PLEKHH1: variants seen among roughly 807,000 people sequenced by gnomAD.
PLEKHH1 encodes the protein pleckstrin homology domain-containing family H member 1.
Under a neutral mutation model 160.0 loss-of-function variants are expected in PLEKHH1, and 104 were observed. The ratio of observed to expected loss-of-function variants is 0.65; its 90% confidence interval spans 0.55 to 0.76. PLEKHH1 has a LOEUF of 0.76. Ranked by LOEUF, PLEKHH1 falls within the 30% of genes least tolerant of loss-of-function variation. PLEKHH1 has a pLI of 0.00. For missense variants in PLEKHH1, 1,427 were observed against 1,724.1 expected, an observed-to-expected ratio of 0.83 and a Z score of 3.05; for synonymous variants, 619 against 678.4, an observed-to-expected ratio of 0.91 and a Z score of 1.36.
At chr14:67,561,044 C>CT (rs1216196842) in intron 5 of PLEKHH1, among the ~76,000 whole-genome samples, 6 of 152,288 alleles carry the variant, frequency 3.9e-5, no homozygotes, top group African/African-American at 1.2e-4. Context: ...AAACATACAT[C>CT]TTTTCCTCTG....
In PLEKHH1 at chr14:67,587,098, G is replaced by A. The variant is rs761791605; in HGVS notation, c.3958G>A (p.Ala1320Thr). The A allele has an allele frequency of 3.5e-5, 57 of 1,611,480 alleles. No homozygotes were observed. Among genetic ancestry groups the A allele is most frequent in the Non-Finnish European group, 4.4e-5 (52 of 1,178,752 alleles). The part of the protein sequence containing the change: ...PKIAEATFIM[A>T]SYMNHCTTTV... ...GATTGCAGAAGCTACCTTCATCATG[G>A]CCAGCTATATGAACCATTGCACTAC... The change falls in exon 29 of 29, where the codon GCC becomes ACC. Residue 1320 changes from alanine (A) to threonine (T), a missense_variant. By Grantham distance (58) the Ala-to-Thr change is moderately conservative (BLOSUM62 0). Coordinates refer to ENST00000329153, the MANE Select transcript of PLEKHH1 (RefSeq NM_020715.3).
At chr14:67,568,016 T>A (rs1367946207) in intron 7 of PLEKHH1, among the ~76,000 whole-genome samples, 4 of 152,198 alleles carry the variant, frequency 2.6e-5, no homozygotes, top group Non-Finnish European at 5.9e-5. Context: ...GGACGGGCAT[T>A]CTCCCAGTGT....
chr14:67,568,238 T>C (rs1305127271), intron 7 of PLEKHH1, among the ~76,000 whole-genome samples: 1 of 152,192 alleles, frequency 6.6e-6, no homozygotes, highest in Admixed American at 6.5e-5. Flanking sequence ...ATGTGGTACA[T>C]ATACACCATG....
chr14:67,566,635 C>G lies in PLEKHH1; in HGVS notation c.1264-2503C>G, dbSNP rs1050599880. ...TGGTGGCACATGCCGGTAGTCCCAG[C>G]TACTCAGGAGGCTTAAGTGGAAGTT... On this transcript the variant is annotated intron_variant, in intron 7 of 28. Transcript: ENST00000329153. Among the ~76,000 whole-genome samples the G allele has an allele frequency of 4.6e-5, 7 of 151,956 alleles. No homozygotes were observed. In the South Asian group the frequency reaches 6.2e-4, roughly 14 times the overall value.
chr14:67,557,927 G>A (rs2034660167), intron 4 of PLEKHH1, among the ~76,000 whole-genome samples: 1 of 152,184 alleles, frequency 6.6e-6, no homozygotes, highest in African/African-American at 2.4e-5. Context: ...AGAGCTGGAT[G>A]GTCAGTCGTG....
intron 28 of PLEKHH1, chr14:67,586,317 C>G: frequency 7.7e-7 from 1 of 1,294,324 alleles, no homozygotes; most frequent in Non-Finnish European, 1.1e-6. Flanking sequence ...GGAACTAACT[C>G]TGGCCTAGCT....
chr14:67,571,875 C>G lies in PLEKHH1; in HGVS notation c.1558C>G (p.Leu520Val). The G allele has an allele frequency of 6.2e-7, 1 of 1,612,730 alleles. No individual in the cohort carries two copies. The highest frequency in any genetic ancestry group is 1.7e-5 in the Admixed American group (1 of 59,836). Reference protein sequence around the residue: ...PSSESRKTSGLGSPRAIKRGV... With the variant: ...PSSESRKTSGVGSPRAIKRGV... ...CTCTGAGTCCAGGAAGACCAGCGGACTAGGCAGCCCCCGGGCCATCAAGAG... is the reference window on the plus strand; with the variant it reads ...CTCTGAGTCCAGGAAGACCAGCGGAGTAGGCAGCCCCCGGGCCATCAAGAG... The change falls in exon 10 of 29, where the codon CTA becomes GTA. Residue 520 changes from leucine to valine, a missense_variant. Physicochemically the swap from Leu to Val is conservative, Grantham distance 32. Transcript: ENST00000329153.
At chr14:67,567,526 C>T (rs951437349) in intron 7 of PLEKHH1, among the ~76,000 whole-genome samples, 14 of 151,842 alleles carry the variant, frequency 9.2e-5, no homozygotes, top group African/African-American at 1.7e-4. Flanking sequence ...TACTTGGGCT[C>T]GATGTATCTG....
At position 67,549,875 on chromosome 14, in the gene PLEKHH1, G is replaced by A. The variant is rs1594751351; in HGVS notation, c.127-5950G>A. Among the ~76,000 whole-genome samples the A allele has an allele frequency of 3.3e-5, 5 of 152,334 alleles. No homozygotes were observed. The South Asian group carries it at 1.0e-3, about 32-fold the overall frequency. On this transcript the variant is annotated intron_variant, in intron 2 of 28. Coordinates refer to ENST00000329153, the MANE Select transcript of PLEKHH1 (RefSeq NM_020715.3). ...TTGCTAAAGAAAAGCTCTGTGGGCA[G>A]AGCCCAAGAATCTGCATGATGACAA... is the stretch of plus-strand genomic sequence containing the variant.
chr14:67,546,993 C>T (rs2034207988), intron 2 of PLEKHH1, among the ~76,000 whole-genome samples: 1 of 152,170 alleles, frequency 6.6e-6, no homozygotes, highest in Admixed American at 6.5e-5. Flanking sequence ...CCTTAACCAC[C>T]TTATAAACAC....
intron 2 of PLEKHH1, among the ~76,000 whole-genome samples, chr14:67,544,509 G>GT (rs1432642894): frequency 2.6e-5 from 4 of 152,166 alleles, no homozygotes; most frequent in Non-Finnish European, 4.4e-5. Context: ...TCTACAATGA[G>GT]TGAGTATCCA....
rs1418955881 is a variant in PLEKHH1, at chr14:67,588,851, CCT to C, written c.*1622_*1623del. On this transcript the variant is annotated 3_prime_UTR_variant, in exon 29 of 29. Coordinates refer to ENST00000329153, the MANE Select transcript of PLEKHH1 (RefSeq NM_020715.3). ...AACACCTCAGCTGCTGTAAGCTTCT[CCT>C]CTCTCACCCCGTAAACTGACAAGCA... 6.6e-6 allele frequency: 1 copy of C among 152,630 alleles called. No homozygotes were observed. The highest frequency in any genetic ancestry group is 1.5e-5 in the Non-Finnish European group (1 of 68,046). 9.5% of individuals were successfully genotyped at this position (152,630 alleles called of 1,614,324 possible).
chr14:67,576,303 TG>T lies in PLEKHH1; in HGVS notation c.2353-89del. On this transcript the variant is annotated intron_variant, in intron 16 of 28. Coordinates refer to ENST00000329153, the MANE Select transcript of PLEKHH1 (RefSeq NM_020715.3). This position sits in a 1 kb window ranked among gnomAD's most constrained non-coding sequence, Gnocchi z 4.0. ...CCAACCAAACTAGCTGAACCCCACA[TG>T]GGCTTGGTCCCTTCAAGGAGTCCTC... is the stretch of plus-strand genomic sequence containing the variant. 1.4e-6 allele frequency: 1 copy of T among 694,774 alleles called. No individual in the cohort carries two copies. The highest frequency in any genetic ancestry group is 2.5e-6 in the Non-Finnish European group (1 of 407,380). 43.0% of individuals were successfully genotyped at this position (694,774 alleles called of 1,614,324 possible).
chr14:67,586,391 T>C (rs888187574), intron 28 of PLEKHH1: 18 of 1,363,844 alleles, frequency 1.3e-5, no homozygotes, highest in Admixed American at 2.2e-5. Flanking sequence ...CAGTCCTCAG[T>C]TGGGTGCTTA....
At chr14:67,564,985 C>T (rs978008904) in intron 7 of PLEKHH1, among the ~76,000 whole-genome samples, 1 of 152,148 alleles carries the variant, frequency 6.6e-6, no homozygotes, top group African/African-American at 2.4e-5. Context: ...GCCACTGTGT[C>T]TGGCCCTGTA....
chr14:67,540,574 C>T (rs2033924360), intron 1 of PLEKHH1, among the ~76,000 whole-genome samples: 1 of 148,790 alleles, frequency 6.7e-6, no homozygotes, highest in South Asian at 2.1e-4. Context: ...TGTAGTGAGC[C>T]AAAATTGCAC....
chr14:67,535,142 G>A (rs893891690), intron 1 of PLEKHH1, among the ~76,000 whole-genome samples: 3 of 152,172 alleles, frequency 2.0e-5, no homozygotes, highest in Admixed American at 6.5e-5. Flanking sequence ...GTGGGTGTGT[G>A]AATGCCACAT....
chr14:67,578,168 G>A lies in PLEKHH1; in HGVS notation c.2720G>A (p.Cys907Tyr), dbSNP rs2035715005. Reference sequence around the variant, plus strand: ...TGCCAACTCATGAAGCAGACCAGCTGCCGCCCACCTCAGAAGTACTCCCTC... The same window carrying A: ...TGCCAACTCATGAAGCAGACCAGCTACCGCCCACCTCAGAAGTACTCCCTC... ...IYCQLMKQTSCRPPQKYSLMQ... is the reference protein window; with the variant it reads ...IYCQLMKQTSYRPPQKYSLMQ... The change falls in exon 19 of 29, where the codon TGC becomes TAC. Residue 907 changes from cysteine to tyrosine, a missense_variant. Physicochemically the swap from Cys to Tyr is radical, Grantham distance 194. Transcript: ENST00000329153. This position sits in a 1 kb window ranked among gnomAD's most constrained non-coding sequence, Gnocchi z 5.0. 1 of 1,613,934 alleles carries A rather than the reference G, an allele frequency of 6.2e-7. No homozygotes were observed. Among genetic ancestry groups the A allele is most frequent in the Non-Finnish European group, 8.5e-7 (1 of 1,179,882 alleles).
chr14:67,554,149 C>T (rs182570709), intron 2 of PLEKHH1, among the ~76,000 whole-genome samples: 146 of 152,314 alleles, frequency 9.6e-4, no homozygotes, highest in Non-Finnish European at 1.7e-3. Context: ...GAAGGCCACC[C>T]TGAGCAAAGA....
Sources: allele counts gnomAD v4.1 joint callset (sites outside exome capture counted in the v4.1 genomes callset), GRCh38; gene constraint gnomAD v4.1.1; non-coding constraint Gnocchi (gnomAD v3.1); transcripts MANE v1.5; gene names NCBI Gene and HGNC (gene_info 2026-07-23, HGNC 2026-07-21).